Variants in FYB1 observed in about 807,000 individuals in gnomAD.
FYB1 encodes the protein FYN binding protein 1.
Under a neutral mutation model 94.1 loss-of-function variants are expected in FYB1, and 41 were observed. That is an observed-to-expected ratio of 0.44 (90% CI 0.34 to 0.57). FYB1 has a LOEUF of 0.57. Among genes scored for constraint, FYB1 ranks in the 20% least tolerant of loss-of-function variants. The pLI is 0.02. For missense variants in FYB1, 1,050 were observed against 976.8 expected, an observed-to-expected ratio of 1.07 and a Z score of -1.00; for synonymous variants, 367 against 353.2, an observed-to-expected ratio of 1.04 and a Z score of -0.44.
chr5:39,222,003 AAAAAT>A (rs1368687171), upstream of FYB1, among the ~76,000 whole-genome samples: 7 of 151,882 alleles, frequency 4.6e-5, no homozygotes, highest in African/African-American at 1.5e-4. Flanking sequence ...ACTCTGTCTC[AAAAAT>A]AAAATAAAAT....
At chr5:39,132,296 T>C (rs1741269363) in intron 9 of FYB1, among the ~76,000 whole-genome samples, 1 of 152,214 alleles carries the variant, frequency 6.6e-6, no homozygotes, top group Non-Finnish European at 1.5e-5. Flanking sequence ...AGCTGCCGGC[T>C]ACACTCAGCA....
chr5:39,143,859 A>T (rs1021796573), intron 3 of FYB1, among the ~76,000 whole-genome samples: 5 of 152,184 alleles, frequency 3.3e-5, no homozygotes, highest in Admixed American at 6.5e-5. Flanking sequence ...AGAAAATTAA[A>T]AATTTAACTT....
intron 1 of FYB1, among the ~76,000 whole-genome samples, chr5:39,251,118 G>C (rs1751694314): frequency 6.6e-6 from 1 of 152,116 alleles, no homozygotes; most frequent in Non-Finnish European, 1.5e-5. Flanking sequence ...CTCAAACCTT[G>C]AGTGATTTGT....
At chr5:39,149,018 A>T (rs962918687) in intron 3 of FYB1, among the ~76,000 whole-genome samples, 136 of 152,334 alleles carry the variant, frequency 8.9e-4, no homozygotes, top group African/African-American at 3.1e-3. Context: ...AATGATAAAC[A>T]TGCTCTTTTG....
chr5:39,220,417 GA>G (rs58076166), upstream of FYB1, among the ~76,000 whole-genome samples: 21,560 of 108,836 alleles, frequency 0.2, 3,384 homozygotes, highest in African/African-American at 0.45. Context: ...CTGTCTGAAG[GA>G]AAAAAAAAAA....
At chr5:39,245,475 T>C (rs2150597591) in intron 1 of FYB1, among the ~76,000 whole-genome samples, 1 of 152,316 alleles carries the variant, frequency 6.6e-6, no homozygotes, top group South Asian at 2.1e-4. Context: ...AATTCACTAT[T>C]GTTTCACATG....
At chr5:39,211,308 T>A (rs1194223073) in intron 1 of FYB1, among the ~76,000 whole-genome samples, 1 of 125,156 alleles carries the variant, frequency 8.0e-6, no homozygotes, top group East Asian at 2.5e-4. Flanking sequence ...TACTATTTCT[T>A]TTTCTTTTCT....
intron 2 of FYB1, among the ~76,000 whole-genome samples, chr5:39,181,323 C>T (rs533051985): frequency 6.6e-6 from 1 of 152,254 alleles, no homozygotes; most frequent in South Asian, 2.1e-4. Flanking sequence ...TACTAGTCGC[C>T]TGTGGCTATT....
At chr5:39,201,179 G>A (rs1748283824) in intron 2 of FYB1, among the ~76,000 whole-genome samples, 1 of 152,094 alleles carries the variant, frequency 6.6e-6, no homozygotes, top group African/African-American at 2.4e-5. Flanking sequence ...TTGAATACTG[G>A]GCTTAGGAAA....
rs75534820 is a variant in FYB1, at chr5:39,124,454, C to T, written c.2046-176G>A. ...CTCCACTAAGTCCATTTCTGTTTAT[C>T]AATTTGGAACTTAGCAAGACATTTT... On this transcript the variant is annotated intron_variant, in intron 12 of 18. Coordinates refer to ENST00000512982, the MANE Select transcript of FYB1 (RefSeq NM_001465.6). The T allele has an allele frequency of 1.0e-3, 497 of 491,642 alleles. 1 individual carries two copies. Among genetic ancestry groups the T allele is most frequent in the African/African-American group, 9.3e-3 (457 of 49,038 alleles). The allele number at this position is 491,642 out of a possible 1,614,324, so 30.5% of individuals were successfully genotyped here.
At chr5:39,161,058 GCT>G (rs1744201007) in intron 2 of FYB1, among the ~76,000 whole-genome samples, 1 of 152,318 alleles carries the variant, frequency 6.6e-6, no homozygotes, top group Non-Finnish European at 1.5e-5. Flanking sequence ...AGCTCAGAGA[GCT>G]CTCTGTTTGT....
At chr5:39,110,297 TA>T (rs1429329694) in intron 17 of FYB1, 58 bp downstream of exon 17, 2 of 1,064,994 alleles carry the variant, frequency 1.9e-6, no homozygotes, top group African/African-American at 1.6e-5. Flanking sequence ...ATAAATATTT[TA>T]AAAAGAAAGG....
chr5:39,243,543 G>T (rs1188578185), intron 1 of FYB1, among the ~76,000 whole-genome samples: 1 of 152,024 alleles, frequency 6.6e-6, no homozygotes, highest in Non-Finnish European at 1.5e-5. Context: ...GGTGACTGTA[G>T]CCTTGTAGTA....
intron 1 of FYB1, among the ~76,000 whole-genome samples, chr5:39,272,643 G>C (rs1246115596): frequency 7.7e-6 from 1 of 130,630 alleles, no homozygotes; most frequent in Non-Finnish European, 1.5e-5. Context: ...CTGCACTCCA[G>C]TTTGGGGGAC....
intron 2 of FYB1, among the ~76,000 whole-genome samples, chr5:39,162,589 G>T (rs1390537009): frequency 6.6e-6 from 1 of 152,114 alleles, no homozygotes; most frequent in Non-Finnish European, 1.5e-5. Flanking sequence ...GGAGGCTGAG[G>T]CAGGAGAATC....
chr5:39,255,436 T>C (rs1237722407), intron 1 of FYB1, among the ~76,000 whole-genome samples: 3 of 152,012 alleles, frequency 2.0e-5, no homozygotes, highest in Non-Finnish European at 4.4e-5. Context: ...ACCTGTTTTT[T>C]TTTTTTTGGA....
At position 39,251,719 on chromosome 5, in the gene FYB1, T is replaced by C. The variant is rs550078610; in HGVS notation, c.-28+22684A>G. Reference sequence around the variant, plus strand: ...AAGTAAAATTATTATAAAGTTTACTTATTTATACATGGATAAGGACATCAG... The same window carrying C: ...AAGTAAAATTATTATAAAGTTTACTCATTTATACATGGATAAGGACATCAG... On this transcript the variant is annotated intron_variant, in intron 1 of 1. Transcript: ENST00000510188. 8.6e-4 allele frequency among the ~76,000 whole-genome samples: 131 copies of C among 152,290 alleles called. 3 individuals are homozygous for C. The highest frequency in any genetic ancestry group is 3.0e-3 in the African/African-American group (123 of 41,546).
chr5:39,139,441 G>A, intron 4 of FYB1, 189 bp from the exon 5 acceptor site: 1 of 417,020 alleles, frequency 2.4e-6, no homozygotes, highest in Non-Finnish European at 3.9e-6. Flanking sequence ...TATTTGTGCT[G>A]GTGACTTAAT....
At chr5:39,260,059 G>A (rs1344880520) in intron 1 of FYB1, among the ~76,000 whole-genome samples, 1 of 152,234 alleles carries the variant, frequency 6.6e-6, no homozygotes, top group African/African-American at 2.4e-5. Context: ...GAGAGACACA[G>A]AGATAAAAAG....
Sources: gnomAD v4.1 joint callset for allele counts (sites outside exome capture counted in the v4.1 genomes callset) on GRCh38, gnomAD v4.1.1 for gene constraint, MANE v1.5 for transcripts, NCBI Gene and HGNC (gene_info 2026-07-23, HGNC 2026-07-21) for gene names.